The following MS4A13 variants were observed in gnomAD, a reference collection of about 807,000 sequenced individuals.
The protein encoded by MS4A13 is membrane spanning 4-domains A13.
In MS4A13, 21 loss-of-function variants were observed where a neutral mutation model predicts 18.4. The observed-to-expected ratio is 1.14, with a 90% CI of 0.81 to 1.64. The LOEUF (loss-of-function observed/expected upper bound fraction) is 1.64. Among genes scored for constraint, MS4A13 ranks in the 40% most tolerant of loss-of-function variants. The pLI is 0.00. For missense variants in MS4A13, 173 were observed against 176.8 expected (o/e 0.98, Z 0.12); for synonymous variants, 62 against 57.2 (o/e 1.08, Z -0.38).
chr11:60,522,239 G>GATGTATATATATATATCTATAT (rs71043705), intron 3 of MS4A13, among the ~76,000 whole-genome samples: 4,470 of 133,760 alleles, frequency 0.033, 146 homozygotes, highest in African/African-American at 0.061. Context: ...TAGATAGATA[G>GATGTATATATATATATCTATAT]ATGTATATAT....
intron 5 of MS4A13, among the ~76,000 whole-genome samples, chr11:60,527,414 G>C (rs1304598404): frequency 1.8e-4 from 25 of 142,748 alleles, no homozygotes; most frequent in African/African-American, 6.6e-4. Context: ...CTCTCTCTGT[G>C]TGTGTGTGTG....
chr11:60,519,269 G>A (rs2086658197), intron 3 of MS4A13, among the ~76,000 whole-genome samples: 1 of 152,122 alleles, frequency 6.6e-6, no homozygotes, highest in African/African-American at 2.4e-5. Context: ...CTGCTAAATA[G>A]CCTGTGATCC....
chr11:60,527,580 A>G (rs2086728447), intron 5 of MS4A13, among the ~76,000 whole-genome samples: 1 of 152,138 alleles, frequency 6.6e-6, no homozygotes, highest in Non-Finnish European at 1.5e-5. Context: ...TCACGCCTGT[A>G]ATCCCAGCAC....
intron 6 of MS4A13, among the ~76,000 whole-genome samples, chr11:60,531,024 T>G (rs1215859953): frequency 6.6e-6 from 1 of 152,132 alleles, no homozygotes; most frequent in African/African-American, 2.4e-5. Context: ...AATTACCCAG[T>G]CTTGACAAGT....
intron 5 of MS4A13, among the ~76,000 whole-genome samples, chr11:60,527,933 TAAAATG>T (rs2086732486): frequency 6.6e-6 from 1 of 152,220 alleles, no homozygotes; most frequent in Non-Finnish European, 1.5e-5. Flanking sequence ...ACTTTCTAGC[TAAAATG>T]TTATGATTAT....
At chr11:60,519,508 G>C (rs967280715) in intron 3 of MS4A13, among the ~76,000 whole-genome samples, 1 of 152,038 alleles carries the variant, frequency 6.6e-6, no homozygotes, top group Non-Finnish European at 1.5e-5. Flanking sequence ...TTGAGGAAAG[G>C]CAAGAGAATA....
intron 6 of MS4A13, among the ~76,000 whole-genome samples, chr11:60,538,292 G>C (rs1305648793): frequency 6.6e-6 from 1 of 151,436 alleles, no homozygotes. Context: ...AAAAGGTGTT[G>C]ATCAAAGGCC....
intron 3 of MS4A13, among the ~76,000 whole-genome samples, chr11:60,522,405 A>G (rs1397920748): frequency 6.6e-6 from 1 of 152,098 alleles, no homozygotes. Context: ...TACTTAAACC[A>G]TGAAGGATAG....
chr11:60,527,218 G>A (rs1371494195), intron 5 of MS4A13, among the ~76,000 whole-genome samples: 1 of 151,958 alleles, frequency 6.6e-6, no homozygotes, highest in Non-Finnish European at 1.5e-5. Context: ...CTTCATTTAA[G>A]TATTTATTAA....
Position 60,518,095 on chromosome 11 carries a change from CTTTCACATTTTCATGTGGTA to C in MS4A13, c.13_32del (p.Phe5LeufsTer11). On this transcript the variant is annotated frameshift_variant, in exon 3 of 7. Coordinates refer to ENST00000378186, the MANE Select transcript of MS4A13 (RefSeq NM_001012417.3). LOFTEE classifies it high-confidence loss of function. ...AGACTATCCAGATTATGATTGGCAT[CTTTCACATTTTCATGTGGTA>C]CTTTCTATTGGTTTTGTATATGGGA... 6.3e-7 allele frequency: 1 copy of C among 1,599,892 alleles called. No homozygotes were observed. The highest frequency in any genetic ancestry group is 8.5e-7 in the Non-Finnish European group (1 of 1,169,896).
intron 6 of MS4A13, among the ~76,000 whole-genome samples, chr11:60,540,504 A>G (rs890224447): frequency 3.3e-5 from 5 of 152,182 alleles, no homozygotes; most frequent in Non-Finnish European, 5.9e-5. Flanking sequence ...AAGTTGCTGT[A>G]TTTTACTGGA....
chr11:60,524,195 A>G (rs1272626367), intron 4 of MS4A13, among the ~76,000 whole-genome samples: 1 of 152,160 alleles, frequency 6.6e-6, no homozygotes, highest in Non-Finnish European at 1.5e-5. Context: ...GTTTTGTTTG[A>G]TGTTCTGCCT....
intron 6 of MS4A13, among the ~76,000 whole-genome samples, chr11:60,539,994 G>A (rs773469818): frequency 7.9e-5 from 12 of 152,156 alleles, no homozygotes; most frequent in Non-Finnish European, 1.8e-4. Context: ...AAATGCACAT[G>A]AATAAATAAA....
intron 5 of MS4A13, among the ~76,000 whole-genome samples, chr11:60,527,232 G>C (rs2086719268): frequency 6.6e-6 from 1 of 151,910 alleles, no homozygotes; most frequent in South Asian, 2.1e-4. Context: ...TTATTAATTA[G>C]GGTTATCTTG....
rs991197014 is a variant in MS4A13, at chr11:60,542,600, G to A, written c.*25G>A. On this transcript the variant is annotated 3_prime_UTR_variant, in exon 7 of 7. Transcript: ENST00000378186. Reference sequence around the variant, plus strand: ...AAAACCCTAGAAATATGAGAATTTTGCTGTTGCTGATGCCTGGTGTGGGTC... The same window carrying A: ...AAAACCCTAGAAATATGAGAATTTTACTGTTGCTGATGCCTGGTGTGGGTC... 6.5e-7 allele frequency: 1 copy of A among 1,532,204 alleles called. No individual in the cohort carries two copies. 94.9% of individuals were successfully genotyped at this position (1,532,204 alleles called of 1,614,324 possible).
At chr11:60,518,308 G>A in intron 3 of MS4A13, 96 bp downstream of exon 3, 1 of 961,688 alleles carries the variant, frequency 1.0e-6, no homozygotes, top group Non-Finnish European at 1.5e-6. Flanking sequence ...AAGGTTTTCA[G>A]GAGAATTATG....
chr11:60,526,900 A>G (rs553096223), intron 5 of MS4A13, among the ~76,000 whole-genome samples: 1 of 152,320 alleles, frequency 6.6e-6, no homozygotes, highest in South Asian at 2.1e-4. Context: ...AAACCCCTGG[A>G]AAAGTTTCTT....
In MS4A13 at chr11:60,527,362, G is replaced by GTCTCTCTC. The variant is rs1313348420; in HGVS notation, c.307-1961_307-1954dup. On this transcript the variant is annotated intron_variant, in intron 5 of 6. Coordinates refer to ENST00000378186, the MANE Select transcript of MS4A13 (RefSeq NM_001012417.3). ...CATCTGCCAGGAACTCATTCATTCC[G>GTCTCTCTC]TCTCTCTCTCTCTCTCTCTCTCTCT... Among the ~76,000 whole-genome samples the GTCTCTCTC allele has an allele frequency of 3.7e-4, 23 of 62,526 alleles. 1 individual carries two copies. The highest frequency in any genetic ancestry group is 1.5e-3 in the African/African-American group (21 of 13,752). 41.0% of individuals were successfully genotyped at this position (62,526 alleles called of 152,430 possible).
At chr11:60,529,255 CT>C (rs10667098) in intron 5 of MS4A13, 109 bp from the exon 6 acceptor site, 12,570 of 171,720 alleles carry the variant, frequency 0.073, 317 homozygotes, top group East Asian at 0.092. Context: ...ATTTTCCTTC[CT>C]TTTTTTTTTT....
Sources: gnomAD v4.1 joint callset for allele counts (sites outside exome capture counted in the v4.1 genomes callset) on GRCh38, gnomAD v4.1.1 for gene constraint, MANE v1.5 for transcripts, NCBI Gene and HGNC (gene_info 2026-07-23, HGNC 2026-07-21) for gene names.